The following CCSER1 variants were observed in gnomAD, a reference collection of about 807,000 sequenced individuals.
CCSER1 encodes the protein serine-rich coiled-coil domain-containing protein 1.
Under a neutral mutation model 82.0 loss-of-function variants are expected in CCSER1, and 41 were observed. The ratio of observed to expected loss-of-function variants is 0.50; its 90% CI spans 0.39 to 0.65. The LOEUF is 0.65. Among genes scored for constraint, CCSER1 ranks in the 30% least tolerant of loss-of-function variants. CCSER1 has a pLI of 0.00. For missense variants in CCSER1, 1,119 were observed against 1,064.2 expected (o/e 1.05, Z -0.72); for synonymous variants, 414 against 383.9 (o/e 1.08, Z -0.92).
intron 1 of CCSER1, among the ~76,000 whole-genome samples, chr4:90,237,905 T>G (rs904948631): frequency 1.3e-5 from 2 of 152,202 alleles, no homozygotes; most frequent in Admixed American, 6.5e-5. Flanking sequence ...TTTAGTGTAG[T>G]GTGTTTTTCA....
chr4:90,930,931 T>TATATACACACATGAC (rs1729689020), intron 9 of CCSER1, among the ~76,000 whole-genome samples: 1 of 136,784 alleles, frequency 7.3e-6, no homozygotes, highest in African/African-American at 2.6e-5. Flanking sequence ...TATATATATA[T>TATATACACACATGAC]ATATATATAC....
At chr4:91,369,754 T>C (rs879343772) in intron 10 of CCSER1, among the ~76,000 whole-genome samples, 8 of 138,272 alleles carry the variant, frequency 5.8e-5, no homozygotes, top group Non-Finnish European at 1.2e-4. Flanking sequence ...CTGCAACCTC[T>C]GCCTCCTGTG....
intron 5 of CCSER1, among the ~76,000 whole-genome samples, chr4:90,536,511 A>G (rs142010182): frequency 6.6e-6 from 1 of 152,232 alleles, no homozygotes; most frequent in Non-Finnish European, 1.5e-5. Flanking sequence ...CTGTCTGATT[A>G]TTGTACTCTA....
chr4:90,917,160 A>C (rs558063059), intron 8 of CCSER1, among the ~76,000 whole-genome samples: 1 of 152,332 alleles, frequency 6.6e-6, no homozygotes, highest in African/African-American at 2.4e-5. Flanking sequence ...CCATCCCATT[A>C]CTGGGTATAT....
intron 1 of CCSER1, among the ~76,000 whole-genome samples, chr4:90,140,408 T>C (rs1724522076): frequency 6.6e-6 from 1 of 152,170 alleles, no homozygotes; most frequent in Non-Finnish European, 1.5e-5. Context: ...AGTGTGTTTA[T>C]AGAAAGATGG....
chr4:91,426,289 G>A (rs1327173707), intron 10 of CCSER1, among the ~76,000 whole-genome samples: 1 of 152,058 alleles, frequency 6.6e-6, no homozygotes, highest in African/African-American at 2.4e-5. Flanking sequence ...ATCTATTATT[G>A]ATGGACATTT....
chr4:91,506,899 T>C (rs182517245), intron 10 of CCSER1, among the ~76,000 whole-genome samples: 2 of 152,314 alleles, frequency 1.3e-5, no homozygotes, highest in East Asian at 3.9e-4. Context: ...ATAGAGTCTG[T>C]AGTTTTTGTG....
intron 10 of CCSER1, among the ~76,000 whole-genome samples, chr4:91,273,332 C>A (rs989524354): frequency 6.6e-6 from 1 of 151,940 alleles, no homozygotes; most frequent in Non-Finnish European, 1.5e-5. Context: ...TAGGTGTAAT[C>A]CTAAGTGTTT....
intron 6 of CCSER1, among the ~76,000 whole-genome samples, chr4:90,715,221 G>A (rs1741409581): frequency 6.6e-6 from 1 of 151,900 alleles, no homozygotes; most frequent in South Asian, 2.1e-4. Flanking sequence ...GCCAGTATCT[G>A]ACAAAGTACA....
rs115922049 is a variant in CCSER1 at position 90,571,359 on chromosome 4, G to A, written c.1725-56666G>A. Among the ~76,000 whole-genome samples the A allele has an allele frequency of 6.8e-3, 1,039 of 152,250 alleles. 13 individuals are homozygous for A. Among genetic ancestry groups the A allele is most frequent in the African/African-American group, 0.021 (884 of 41,538 alleles). ...GCCCATCAGTGGTGGATTTGATAAA[G>A]AACATGTGGCACAGATACACCATGG... is the stretch of plus-strand genomic sequence containing the variant. On this transcript the variant is annotated intron_variant, in intron 5 of 10. Coordinates refer to ENST00000509176, the MANE Select transcript of CCSER1 (RefSeq NM_001145065.2).
intron 10 of CCSER1, among the ~76,000 whole-genome samples, chr4:91,212,853 T>C (rs1736929354): frequency 6.6e-6 from 1 of 152,150 alleles, no homozygotes; most frequent in Non-Finnish European, 1.5e-5. Context: ...GTAAGCATAG[T>C]ACCCAATAGG....
intron 6 of CCSER1, among the ~76,000 whole-genome samples, chr4:90,712,212 C>G (rs181903601): frequency 1.9e-4 from 29 of 152,028 alleles, no homozygotes; most frequent in Admixed American, 3.9e-4. Flanking sequence ...TCTTGGTTCT[C>G]TAGTTCTTTT....
intron 6 of CCSER1, among the ~76,000 whole-genome samples, chr4:90,650,390 A>G (rs1329193805): frequency 2.0e-5 from 3 of 152,192 alleles, no homozygotes; most frequent in Admixed American, 6.5e-5. Context: ...TTCTTAATTA[A>G]GGAAAGGAAC....
intron 10 of CCSER1, among the ~76,000 whole-genome samples, chr4:91,487,093 A>T (rs1220433907): frequency 1.3e-5 from 2 of 152,158 alleles, no homozygotes; most frequent in Non-Finnish European, 2.9e-5. Context: ...TACAAATAGA[A>T]TCAGCACAGC....
chr4:90,359,603 T>C (rs1355238258), intron 3 of CCSER1, among the ~76,000 whole-genome samples: 2 of 151,794 alleles, frequency 1.3e-5, no homozygotes, highest in Non-Finnish European at 2.9e-5. Context: ...CCGGGCGTGA[T>C]GGTGGGCACC....
rs370337698 is a variant in CCSER1 at position 91,389,513 on chromosome 4, C to T, written c.2218-209059C>T. 3.8e-4 allele frequency among the ~76,000 whole-genome samples: 57 copies of T among 151,874 alleles called. No homozygotes were observed. The East Asian group carries it at 9.7e-3, about 26-fold the overall frequency. ...ATAGGTCTCAAAGTTAGGTAGTGTC[C>T]GTCTTCTAACTTTGTTTTTTTTCCC... On this transcript the variant is annotated intron_variant, in intron 10 of 10. Transcript: ENST00000509176.
chr4:90,147,271 GT>G, intron 1 of CCSER1, among the ~76,000 whole-genome samples: 1 of 151,518 alleles, frequency 6.6e-6, no homozygotes, highest in Admixed American at 6.6e-5. Flanking sequence ...TATGAGATAG[GT>G]TTTTAATCCC....
chr4:90,387,859 A>G (rs902203821), intron 3 of CCSER1, among the ~76,000 whole-genome samples: 8 of 152,134 alleles, frequency 5.3e-5, no homozygotes, highest in Admixed American at 2.0e-4. Context: ...CCCTACCTCC[A>G]TAATAAACCA....
At chr4:90,727,298 G>T (rs1743836350) in intron 7 of CCSER1, 1 of 455,922 alleles carries the variant, frequency 2.2e-6, no homozygotes. Flanking sequence ...TTTTGCATAG[G>T]TAGGAACAAA....
Sources: allele counts gnomAD v4.1 joint callset (sites outside exome capture counted in the v4.1 genomes callset), GRCh38; gene constraint gnomAD v4.1.1; transcripts MANE v1.5; gene names NCBI Gene and HGNC (gene_info 2026-07-23, HGNC 2026-07-21).